DNAJC11: variants seen among roughly 807,000 people sequenced by gnomAD.
DNAJC11 encodes the protein DnaJ heat shock protein family (Hsp40) member C11.
A neutral mutation model predicts 78.6 loss-of-function variants in DNAJC11; 15 were observed. That is an observed-to-expected ratio of 0.19 (90% CI 0.13 to 0.29). The LOEUF is 0.29. Among genes scored for constraint, DNAJC11 ranks in the 10% least tolerant of loss-of-function variants. DNAJC11 has a pLI of 1.00. For missense variants in DNAJC11, 547 were observed against 709.6 expected, an observed-to-expected ratio of 0.77 and a Z score of 2.60; for synonymous variants, 292 against 272.1, an observed-to-expected ratio of 1.07 and a Z score of -0.72.
At chr1:6,690,633 C>T (rs544977617) in intron 1 of DNAJC11, among the ~76,000 whole-genome samples, 5 of 152,296 alleles carry the variant, frequency 3.3e-5, no homozygotes, top group African/African-American at 1.2e-4. Flanking sequence ...TCACTTAAAA[C>T]CCCTGAATTG....
chr1:6,678,408 T>C lies in DNAJC11; in HGVS notation c.262A>G (p.Met88Val), dbSNP rs763917483. The C allele has an allele frequency of 1.9e-6, 3 of 1,614,066 alleles. No individual in the cohort carries two copies. The highest frequency in any genetic ancestry group is 4.5e-5 in the East Asian group (2 of 44,886). ...GTTTCTCTTACCTCCCATCCTTCCA[T>C]TTCCAGTCCTCTCTTCCCATATATA... is the stretch of plus-strand genomic sequence containing the variant. Reference protein sequence around the residue: ...YDIYGKRGLEMEGWEVVERRR... With the variant: ...YDIYGKRGLEVEGWEVVERRR... The change falls in exon 3 of 16, where the codon ATG becomes GTG. Residue 88 changes from methionine (M) to valine (V), a missense_variant. By Grantham distance (21) the Met-to-Val change is conservative (BLOSUM62 1). Transcript: ENST00000377577.
intron 1 of DNAJC11, among the ~76,000 whole-genome samples, chr1:6,701,469 G>A (rs1012822312): frequency 6.6e-5 from 10 of 152,212 alleles, no homozygotes; most frequent in Non-Finnish European, 1.5e-4. Context: ...GGGGGCCTCT[G>A]GCCCTACCCG....
intron 10 of DNAJC11, 129 bp from the exon 11 acceptor site, chr1:6,640,186 A>G: frequency 8.6e-7 from 1 of 1,166,614 alleles, no homozygotes; most frequent in Non-Finnish European, 1.2e-6. Context: ...AGGAGCCTGC[A>G]GTCTGCTCCT....
intron 1 of DNAJC11, among the ~76,000 whole-genome samples, chr1:6,681,279 T>C (rs1362925599): frequency 2.6e-5 from 4 of 152,176 alleles, no homozygotes; most frequent in African/African-American, 9.6e-5. Flanking sequence ...ATCCAATGAA[T>C]GAACGTTTGG....
At position 6,634,827 on chromosome 1, in the gene DNAJC11, G is replaced by T. The variant is rs1047304768; in HGVS notation, c.*848C>A. ...CCGGGCCTGGGGTCCACGCCTTTGG[G>T]TTGGGTGTGTCTGATGTCTTGCCAA... On this transcript the variant is annotated 3_prime_UTR_variant, in exon 16 of 16. Transcript: ENST00000377577. 1 of 1,254,590 alleles carries T rather than the reference G, an allele frequency of 8.0e-7. No individual in the cohort carries two copies. Among genetic ancestry groups the T allele is most frequent in the Non-Finnish European group, 1.0e-6 (1 of 962,648 alleles). The allele number at this position is 1,254,590 out of a possible 1,614,324, so 77.7% of individuals were successfully genotyped here.
chr1:6,678,283 A>G, intron 3 of DNAJC11, 111 bp downstream of exon 3: 1 of 1,156,194 alleles, frequency 8.6e-7, no homozygotes, highest in Non-Finnish European at 1.3e-6. Flanking sequence ...AGGGGGCTCT[A>G]ATGGTTTCAA....
chr1:6,671,516 G>A (rs1396926329), intron 3 of DNAJC11, among the ~76,000 whole-genome samples: 7 of 149,998 alleles, frequency 4.7e-5, no homozygotes, highest in Non-Finnish European at 8.9e-5. Context: ...AATTAGAGGC[G>A]TGAGCCACTG....
chr1:6,664,026 G>A (rs1642257822), intron 4 of DNAJC11, among the ~76,000 whole-genome samples: 1 of 152,200 alleles, frequency 6.6e-6, no homozygotes, highest in African/African-American at 2.4e-5. Flanking sequence ...CTGCATGTGT[G>A]TGTGTGTGTG....
intron 3 of DNAJC11, among the ~76,000 whole-genome samples, chr1:6,671,515 C>T (rs1642379531): frequency 6.7e-6 from 1 of 149,364 alleles, no homozygotes; most frequent in African/African-American, 2.5e-5. Context: ...GAATTAGAGG[C>T]GTGAGCCACT....
chr1:6,634,791 G>A lies in DNAJC11; in HGVS notation c.*884C>T, dbSNP rs1172692387. Reference sequence around the variant, plus strand: ...CGGGGAGCTGCAGTGCCACCTGCTGGGTACCACGGGCCGGGCCTGGGGTCC... The same window carrying A: ...CGGGGAGCTGCAGTGCCACCTGCTGAGTACCACGGGCCGGGCCTGGGGTCC... On this transcript the variant is annotated 3_prime_UTR_variant, in exon 16 of 16. Coordinates refer to ENST00000377577, the MANE Select transcript of DNAJC11 (RefSeq NM_018198.4). 7.7e-7 allele frequency: 1 copy of A among 1,305,082 alleles called. No homozygotes were observed. The allele number at this position is 1,305,082 out of a possible 1,614,324, so 80.8% of individuals were successfully genotyped here.
intron 11 of DNAJC11, among the ~76,000 whole-genome samples, chr1:6,638,905 T>A (rs779920841): frequency 1.3e-5 from 2 of 152,214 alleles, no homozygotes; most frequent in Non-Finnish European, 2.9e-5. Context: ...GGGGTCAGCA[T>A]ATGCCTGTCC....
At chr1:6,659,703 C>T (rs904452215) in intron 4 of DNAJC11, among the ~76,000 whole-genome samples, 5 of 151,964 alleles carry the variant, frequency 3.3e-5, no homozygotes, top group Non-Finnish European at 7.4e-5. Flanking sequence ...GGAGGTTACA[C>T]TGAGCCAGGA....
intron 7 of DNAJC11, among the ~76,000 whole-genome samples, chr1:6,648,599 G>C (rs183021642): frequency 1.2e-4 from 18 of 152,256 alleles, no homozygotes; most frequent in Admixed American, 9.8e-4. Flanking sequence ...TGGGATTACA[G>C]GTGTGTGCTA....
At chr1:6,661,341 C>G (rs760145544) in intron 4 of DNAJC11, among the ~76,000 whole-genome samples, 13 of 152,190 alleles carry the variant, frequency 8.5e-5, no homozygotes, top group Non-Finnish European at 1.6e-4. Flanking sequence ...CACTTTATCT[C>G]AAATGGAAGT....
chr1:6,667,871 C>A, intron 3 of DNAJC11, 61 bp from the exon 4 acceptor site: 2 of 1,480,954 alleles, frequency 1.4e-6, no homozygotes, highest in South Asian at 1.1e-5. Context: ...GAAACGTACA[C>A]AAAGAGCTGC....
chr1:6,653,008 C>T lies in DNAJC11; in HGVS notation c.508-57G>A. The T allele has an allele frequency of 6.2e-7, 1 of 1,608,920 alleles. No homozygotes were observed. The highest frequency in any genetic ancestry group is 8.5e-7 in the Non-Finnish European group (1 of 1,176,688). ...TCAAAACAACAGGAAGTGCCAATGG[C>T]AGCAGCCTAAAGAACGCACTGTGAG... On this transcript the variant is annotated intron_variant, in intron 5 of 15. Transcript: ENST00000377577. The surrounding 1 kb of genome is among the most constrained non-coding windows in gnomAD (Gnocchi z 4.5).
intron 6 of DNAJC11, among the ~76,000 whole-genome samples, chr1:6,652,085 C>T (rs1557471693): frequency 6.6e-6 from 1 of 152,234 alleles, no homozygotes; most frequent in Non-Finnish European, 1.5e-5. Flanking sequence ...AGCCGCGGTT[C>T]CACACCCGCA....
rs1405672157 is a variant in DNAJC11 at position 6,678,409 on chromosome 1, T to C, written c.261A>G (p.Glu87=). 1 of 1,614,088 alleles carries C rather than the reference T, an allele frequency of 6.2e-7. No individual in the cohort carries two copies. Among genetic ancestry groups the C allele is most frequent in the African/African-American group, 1.3e-5 (1 of 75,040 alleles). Residue 87 remains glutamate, a synonymous_variant, in exon 3 of 16, where the codon GAA becomes GAG. Coordinates refer to ENST00000377577, the MANE Select transcript of DNAJC11 (RefSeq NM_018198.4). ...TTTCTCTTACCTCCCATCCTTCCAT[T>C]TCCAGTCCTCTCTTCCCATATATAT... The part of the protein sequence containing the change: ...IYDIYGKRGL[E]MEGWEVVERR...
rs745950177 is a variant in DNAJC11 at position 6,653,983 on chromosome 1, C to T, written c.435G>A (p.Glu145=). The change falls in exon 5 of 16, where the codon GAG becomes GAA. Residue 145 remains glutamate, a synonymous_variant. Transcript: ENST00000377577. The surrounding 1 kb of genome is among the most constrained non-coding windows in gnomAD (Gnocchi z 4.5). ...AGCTACTGCCGGACACATCTTCATACTCCTCATCATAGCGATCAAAAAGGT... is the reference window on the plus strand; with the variant it reads ...AGCTACTGCCGGACACATCTTCATATTCCTCATCATAGCGATCAAAAAGGT... ...ATDLFDRYDE[E]YEDVSGSSFP... 1.4e-5 allele frequency: 22 copies of T among 1,613,568 alleles called. No homozygotes were observed. Among genetic ancestry groups the T allele is most frequent in the East Asian group, 2.2e-5 (1 of 44,882 alleles).
Sources: gnomAD v4.1 joint callset for allele counts (sites outside exome capture counted in the v4.1 genomes callset) on GRCh38, gnomAD v4.1.1 for gene constraint, Gnocchi (gnomAD v3.1) non-coding constraint, MANE v1.5 for transcripts, NCBI Gene and HGNC (gene_info 2026-07-23, HGNC 2026-07-21) for gene names.